The following EPB42 variants were observed in gnomAD, a reference collection of about 807,000 sequenced individuals.
EPB42 encodes the protein erythrocyte membrane protein band 4.2, also known as protein 4.2.
A neutral mutation model predicts 76.9 loss-of-function variants in EPB42; 49 were observed. That is an observed-to-expected ratio of 0.64 (90% confidence interval 0.51 to 0.81). The LOEUF (loss-of-function observed/expected upper bound fraction) is 0.81, where lower values mean the gene tolerates loss of function less well. Ranked by LOEUF, EPB42 falls within the 30% of genes least tolerant of loss-of-function variation. The pLI, the probability that EPB42 is intolerant of heterozygous loss-of-function variation, is 0.00. For synonymous variants in EPB42, 310 were observed against 338.4 expected, an observed-to-expected ratio of 0.92 and a Z score of 0.92; for missense variants, 731 against 867.6, an observed-to-expected ratio of 0.84 and a Z score of 1.98.
rs745591683 is a variant in EPB42 at position 43,220,839 on chromosome 15, T to C, written c.-14A>G. 6.2e-7 allele frequency: 1 copy of C among 1,608,668 alleles called. No individual in the cohort carries two copies. The highest frequency in any genetic ancestry group is 2.2e-5 in the East Asian group (1 of 44,872). ...ACCCTGTCCCATGGTTGCAGGCCGC[T>C]CCTCTTATCCACTTGGCCGCAGAAA... On this transcript the variant is annotated 5_prime_UTR_variant, in exon 1 of 13. Transcript: ENST00000441366.
rs769690019 is a variant in EPB42 at position 43,216,352 on chromosome 15, G to C, written c.112C>G (p.Pro38Ala). The C allele has an allele frequency of 2.5e-6, 4 of 1,614,084 alleles. No homozygotes were observed. Among genetic ancestry groups the C allele is most frequent in the South Asian group, 1.1e-5 (1 of 91,088 alleles). ...CGGAAGTACAGGATGATGGTGAAGG[G>C]CTGCCCCCTCCTCACAAAGAGGCGC... ...SRRLFVRRGQ[P>A]FTIILYFRAP... Residue 38 changes from proline (P) to alanine (A), a missense_variant, in exon 2 of 13, where the codon CCC (proline) becomes GCC (alanine). Transcript: ENST00000441366.
chr15:43,208,289 A>G lies in EPB42; in HGVS notation c.1016T>C (p.Leu339Ser). ...STECWMTRPALPQGYDGWQIL... is the reference protein window; with the variant it reads ...STECWMTRPASPQGYDGWQIL... The stretch of plus-strand genomic sequence containing the variant: ...CTGCCATCCATCATAACCCTGGGGC[A>G]AGGCAGGCCGCGTCATCCAGCACTC... The change falls in exon 8 of 13, where the codon TTG becomes TCG. Residue 339 changes from leucine (L) to serine (S), a missense_variant. Leu to Ser is a moderately radical substitution (Grantham distance 145). Coordinates refer to ENST00000441366, the MANE Select transcript of EPB42 (RefSeq NM_001114134.2). 6.2e-7 allele frequency: 1 copy of G among 1,614,156 alleles called. No individual in the cohort carries two copies.
chr15:43,205,805 C>G (rs1355133574), intron 10 of EPB42, among the ~76,000 whole-genome samples: 1 of 152,124 alleles, frequency 6.6e-6, no homozygotes. Context: ...TGTTCTGGTT[C>G]AGGGAATCTT....
chr15:43,203,450 C>T (rs1232697997), intron 10 of EPB42, among the ~76,000 whole-genome samples, 175 bp from the exon 11 acceptor site: 15 of 152,114 alleles, frequency 9.9e-5, no homozygotes, highest in Admixed American at 9.8e-4. Context: ...TCACCCTCAT[C>T]CCCATCACCA....
chr15:43,211,397 C>T lies in EPB42; in HGVS notation c.549+19G>A. 6.8e-7 allele frequency: 1 copy of T among 1,464,758 alleles called. No homozygotes were observed. Among genetic ancestry groups the T allele is most frequent in the Non-Finnish European group, 9.6e-7 (1 of 1,043,822 alleles). 90.7% of individuals were successfully genotyped at this position (1,464,758 alleles called of 1,614,324 possible). A position where few individuals can be genotyped will look rare whatever the true frequency, so the allele number is the denominator to read the frequency against. On this transcript the variant is annotated intron_variant, in intron 4 of 12. Transcript: ENST00000441366. ...GGGACAGTCACTCTACACACTCCTC[C>T]CCTAGAGGGCCCTGGTACCTGGCCA...
At position 43,206,536 on chromosome 15, in the gene EPB42, G is replaced by C; in HGVS notation, c.1412C>G (p.Thr471Ser). Residue 471 changes from threonine to serine, a missense_variant, in exon 10 of 13, where the codon ACT becomes AGT. Thr to Ser is a moderately conservative substitution (Grantham distance 58). Transcript: ENST00000441366. The surrounding 1 kb of genome is among the most constrained non-coding windows in gnomAD (Gnocchi z 4.7). ...DNGIRPPSLE[T>S]ASPLYLLLKA... ...CAAGAGCAGGTACAGAGGACTGGCAGTCTCGAGACTGGGAGGACGGATGCC... is the reference window on the plus strand; with the variant it reads ...CAAGAGCAGGTACAGAGGACTGGCACTCTCGAGACTGGGAGGACGGATGCC... The C allele has an allele frequency of 6.2e-7, 1 of 1,614,236 alleles. No individual in the cohort carries two copies. Among genetic ancestry groups the C allele is most frequent in the Non-Finnish European group, 8.5e-7 (1 of 1,180,048 alleles).
chr15:43,197,787 G>C (rs185969403), intron 12 of EPB42, among the ~76,000 whole-genome samples: 7 of 152,250 alleles, frequency 4.6e-5, no homozygotes, highest in African/African-American at 1.7e-4. Flanking sequence ...TGGTTTGGCT[G>C]TGTCCCCACC....
At chr15:43,198,074 T>C (rs2042071565) in intron 12 of EPB42, among the ~76,000 whole-genome samples, 1 of 152,196 alleles carries the variant, frequency 6.6e-6, no homozygotes, top group Non-Finnish European at 1.5e-5. Flanking sequence ...CCTCTTTTTC[T>C]TCCCAGTCTC....
chr15:43,224,901 G>C (rs1228015288), upstream of EPB42, among the ~76,000 whole-genome samples: 5 of 152,194 alleles, frequency 3.3e-5, no homozygotes, highest in South Asian at 1.0e-3. Flanking sequence ...TCAGCCTCCA[G>C]AGTAGCTGGG....
At chr15:43,220,649 A>AGC in intron 1 of EPB42, 167 bp downstream of exon 1, 1 of 388,272 alleles carries the variant, frequency 2.6e-6, no homozygotes, top group Non-Finnish European at 5.1e-6. Flanking sequence ...CACCTACCAC[A>AGC]CCCCCCCCCC....
intron 1 of EPB42, among the ~76,000 whole-genome samples, chr15:43,217,176 T>C (rs2042391496): frequency 6.6e-6 from 1 of 152,148 alleles, no homozygotes; most frequent in African/African-American, 2.4e-5. Context: ...TGGGAGGTGA[T>C]TGGATCATGG....
At chr15:43,199,207 C>T (rs2042092702) in intron 12 of EPB42, among the ~76,000 whole-genome samples, 1 of 152,200 alleles carries the variant, frequency 6.6e-6, no homozygotes, top group South Asian at 2.1e-4. Flanking sequence ...TGACAACTTG[C>T]ACTGTCTGCC....
intron 3 of EPB42, among the ~76,000 whole-genome samples, chr15:43,212,467 G>A (rs2042316084): frequency 6.6e-6 from 1 of 152,148 alleles, no homozygotes; most frequent in Non-Finnish European, 1.5e-5. Context: ...AACAGGCCAG[G>A]GAGCTTCCCA....
chr15:43,223,032 T>C (rs886420475), upstream of EPB42, among the ~76,000 whole-genome samples: 4 of 152,200 alleles, frequency 2.6e-5, no homozygotes, highest in Admixed American at 6.5e-5. Flanking sequence ...TTAAAAGATA[T>C]GCAGATGGGG....
rs192755667 is a variant in EPB42 at position 43,206,899 on chromosome 15, G to A, written c.1319-270C>T. On this transcript the variant is annotated intron_variant, in intron 9 of 12. Coordinates refer to ENST00000441366, the MANE Select transcript of EPB42 (RefSeq NM_001114134.2). The surrounding 1 kb of genome is among the most constrained non-coding windows in gnomAD (Gnocchi z 4.7). ...CCTTGAATGATGAGAGAGCAAGGTT[G>A]GGGACAAGTCAACACTGTCTCTGAG... Among the ~76,000 whole-genome samples, 35 of 152,244 alleles carry A rather than the reference G, an allele frequency of 2.3e-4. 1 individual carries two copies. The East Asian group carries it at 6.6e-3, about 29-fold the overall frequency.
At position 43,216,463 on chromosome 15, in the gene EPB42, G is replaced by C; in HGVS notation, c.11-10C>G. On this transcript the variant is annotated splice_polypyrimidine_tract_variant and intron_variant, in intron 1 of 12. Transcript: ENST00000441366. ...CTCTTGATACCCAGGGCTGTTGTGG[G>C]AAAGAGAGAAGTCACGGAAACTAAG... 6.2e-7 allele frequency: 1 copy of C among 1,613,932 alleles called. No homozygotes were observed. The highest frequency in any genetic ancestry group is 8.5e-7 in the Non-Finnish European group (1 of 1,180,014).
At chr15:43,205,998 G>T in intron 10 of EPB42, 1 of 261,914 alleles carries the variant, frequency 3.8e-6, no homozygotes. Context: ...CAGATTCCAT[G>T]CAGTACAATT....
rs200354161 is a variant in EPB42, at chr15:43,220,810, G to A, written c.10+6C>T. On this transcript the variant is annotated splice_donor_region_variant and intron_variant, in intron 1 of 12. Coordinates refer to ENST00000441366, the MANE Select transcript of EPB42 (RefSeq NM_001114134.2). ...GCAAGCCCTGTCGAGCGCTGGCTTG[G>A]CTCACCCTGTCCCATGGTTGCAGGC... The A allele has an allele frequency of 6.2e-7, 1 of 1,612,120 alleles. No individual in the cohort carries two copies. Among genetic ancestry groups the A allele is most frequent in the Non-Finnish European group, 8.5e-7 (1 of 1,179,988 alleles).
At chr15:43,224,894 G>T (rs2042493767), upstream of EPB42, among the ~76,000 whole-genome samples, 1 of 152,198 alleles carries the variant, frequency 6.6e-6, no homozygotes, top group African/African-American at 2.4e-5. Context: ...TCCCACTTCA[G>T]CCTCCAGAGT....
Sources: allele counts gnomAD v4.1 joint callset (sites outside exome capture counted in the v4.1 genomes callset), GRCh38; gene constraint gnomAD v4.1.1; non-coding constraint Gnocchi (gnomAD v3.1); transcripts MANE v1.5; gene names NCBI Gene and HGNC (gene_info 2026-07-23, HGNC 2026-07-21).